The following NUGGC variants were observed in gnomAD, a reference collection of about 807,000 sequenced individuals.
The protein encoded by NUGGC is nuclear GTPase SLIP-GC.
Under a neutral mutation model 92.6 loss-of-function variants are expected in NUGGC, and 58 were observed. The observed-to-expected ratio is 0.63, with a 90% CI of 0.51 to 0.78. The LOEUF is 0.78. NUGGC is among the 30% of genes least tolerant of loss of function. The pLI is 0.00. For missense variants in NUGGC, 925 were observed against 964.6 expected (o/e 0.96, Z 0.54); for synonymous variants, 376 against 366.4 (o/e 1.03, Z -0.30).
chr8:28,073,399 A>G (rs1810639291), intron 2 of NUGGC, among the ~76,000 whole-genome samples: 1 of 151,976 alleles, frequency 6.6e-6, no homozygotes, highest in African/African-American at 2.4e-5. Flanking sequence ...AGCTCTTCCT[A>G]TATGCCTGCT....
At position 28,041,093 on chromosome 8, in the gene NUGGC, G is replaced by A. The variant is rs77339219; in HGVS notation, c.1569C>T (p.Thr523=). ...MEQPLQEGVR[T]ARTSYRCILR... is the part of the protein sequence containing the mutation. ...GGATGCAGCGGTAAGAAGTCCTGGC[G>A]GTCCTGACCCCTTCTTGCAGAGGCT... The change falls in exon 13 of 19, where the codon ACC becomes ACT. Residue 523 remains threonine (T), a synonymous_variant. Coordinates refer to ENST00000413272, the MANE Select transcript of NUGGC (RefSeq NM_001010906.2). 5,244 of 1,607,130 alleles carry A rather than the reference G, an allele frequency of 3.3e-3. 164 individuals carry two copies. The African/African-American group carries it at 0.063, about 19-fold the overall frequency.
intron 1 of NUGGC, among the ~76,000 whole-genome samples, chr8:28,074,810 G>T (rs897124236): frequency 2.0e-5 from 3 of 152,142 alleles, no homozygotes; most frequent in South Asian, 2.1e-4. Context: ...GTGGTGGTGG[G>T]TGCCCATAAT....
chr8:28,028,766 A>T (rs942356316), intron 17 of NUGGC, among the ~76,000 whole-genome samples: 2 of 152,224 alleles, frequency 1.3e-5, no homozygotes, highest in Non-Finnish European at 1.5e-5. Context: ...TGGTTACCAT[A>T]ACTGACTGGC....
In NUGGC at chr8:28,041,120, C is replaced by G. The variant is rs780803488; in HGVS notation, c.1542G>C (p.Glu514Asp). The G allele has an allele frequency of 8.1e-6, 13 of 1,608,970 alleles. No individual in the cohort carries two copies. Among genetic ancestry groups the G allele is most frequent in the African/African-American group, 2.7e-5 (2 of 74,858 alleles). The change falls in exon 13 of 19, where the codon GAG becomes GAC. Residue 514 changes from glutamate (E) to aspartate (D), a missense_variant. Coordinates refer to ENST00000413272, the MANE Select transcript of NUGGC (RefSeq NM_001010906.2). The part of the protein sequence containing the change: ...KAIAQCFACM[E>D]QPLQEGVRTA... ...TCCTGACCCCTTCTTGCAGAGGCTG[C>G]TCCATGCAGGCGAAGCACTGTGCGA...
intron 2 of NUGGC, among the ~76,000 whole-genome samples, chr8:28,073,378 C>T (rs1252766802): frequency 6.6e-6 from 1 of 151,928 alleles, no homozygotes; most frequent in East Asian, 1.9e-4. Context: ...CTGAGGTGAC[C>T]CCAAAGTGGC....
intron 1 of NUGGC, among the ~76,000 whole-genome samples, chr8:28,078,154 T>C (rs917694958): frequency 3.9e-5 from 6 of 152,248 alleles, no homozygotes; most frequent in African/African-American, 1.4e-4. Flanking sequence ...CTATGGTTTC[T>C]GTATACAAGT....
At chr8:28,035,621 C>T (rs1217378227) in intron 13 of NUGGC, among the ~76,000 whole-genome samples, 2 of 152,142 alleles carry the variant, frequency 1.3e-5, no homozygotes, top group South Asian at 2.1e-4. Context: ...ACTTCCATGG[C>T]CCTTGATGGC....
intron 17 of NUGGC, 62 bp downstream of exon 17, chr8:28,029,204 C>T (rs977379299): frequency 7.8e-6 from 12 of 1,542,934 alleles, no homozygotes; most frequent in South Asian, 1.2e-5. Context: ...CTTCTGCACT[C>T]GCTTCCTCTC....
intron 7 of NUGGC, among the ~76,000 whole-genome samples, chr8:28,062,970 C>T (rs1157818350): frequency 6.6e-6 from 1 of 152,056 alleles, no homozygotes; most frequent in Non-Finnish European, 1.5e-5. Context: ...GGCACCCCAC[C>T]ACCCCCAACC....
At chr8:28,062,549 C>G (rs891302982) in intron 7 of NUGGC, among the ~76,000 whole-genome samples, 1 of 152,106 alleles carries the variant, frequency 6.6e-6, no homozygotes, top group African/African-American at 2.4e-5. Flanking sequence ...CCCAGGAGGT[C>G]GAGGTTGCAG....
At chr8:28,058,782 A>C (rs1810216898) in intron 8 of NUGGC, among the ~76,000 whole-genome samples, 2 of 151,702 alleles carry the variant, frequency 1.3e-5, no homozygotes, top group African/African-American at 2.4e-5. Context: ...AGCTCACTGC[A>C]ACCTCCACAT....
chr8:28,037,654 C>A (rs1189142148), intron 13 of NUGGC, among the ~76,000 whole-genome samples: 1 of 152,196 alleles, frequency 6.6e-6, no homozygotes, highest in East Asian at 1.9e-4. Flanking sequence ...AAGGCATTCT[C>A]TTTTCTCAGG....
intron 1 of NUGGC, among the ~76,000 whole-genome samples, chr8:28,076,682 G>A (rs1901744): frequency 0.67 from 102,433 of 152,014 alleles, 35,561 homozygotes; most frequent in Non-Finnish European, 0.74. Context: ...CAAATGAAGC[G>A]GCACTCACAG....
At chr8:28,045,742 G>A in intron 11 of NUGGC, 82 bp from the exon 12 acceptor site, 1 of 1,458,546 alleles carries the variant, frequency 6.9e-7, no homozygotes, top group South Asian at 1.3e-5. Context: ...GAAAGACCAA[G>A]GTGGCGATAT....
At chr8:28,048,087 C>G (rs970447172) in intron 10 of NUGGC, among the ~76,000 whole-genome samples, 1 of 152,178 alleles carries the variant, frequency 6.6e-6, no homozygotes, top group Admixed American at 6.5e-5. Context: ...CTGTTTCAGT[C>G]CTGAATCTCA....
At chr8:28,066,377 TCAAG>T (rs1224452870) in intron 6 of NUGGC, among the ~76,000 whole-genome samples, 1 of 152,220 alleles carries the variant, frequency 6.6e-6, no homozygotes, top group African/African-American at 2.4e-5. Flanking sequence ...GTGTGCCTAG[TCAAG>T]CATTTAAACA....
At chr8:28,042,802 T>C (rs1309532154) in intron 12 of NUGGC, among the ~76,000 whole-genome samples, 1 of 152,224 alleles carries the variant, frequency 6.6e-6, no homozygotes, top group Non-Finnish European at 1.5e-5. Flanking sequence ...TAATTTGGGC[T>C]TTTAAATTCT....
At position 28,050,271 on chromosome 8, in the gene NUGGC, G is replaced by A. The variant is rs146886185; in HGVS notation, c.1207-2659C>T. ...ATGGTGGTGAGTGCCTGTAATCCCA[G>A]CTACTCGGGAGGCTGAGGCAGGAGA... On this transcript the variant is annotated intron_variant, in intron 10 of 18. Transcript: ENST00000413272. Among the ~76,000 whole-genome samples, 1,204 of 150,730 alleles carry A rather than the reference G, an allele frequency of 8.0e-3. 17 individuals are homozygous for A. The highest frequency in any genetic ancestry group is 0.028 in the African/African-American group (1,132 of 40,930).
Position 28,056,000 on chromosome 8 carries a change from G to A in NUGGC, c.1171C>T (p.Leu391=). 1 of 1,562,202 alleles carries A rather than the reference G, an allele frequency of 6.4e-7. No individual in the cohort carries two copies. Residue 391 remains leucine, a synonymous_variant, in exon 10 of 19, where the codon CTA becomes TTA. Coordinates refer to ENST00000413272, the MANE Select transcript of NUGGC (RefSeq NM_001010906.2). ...AVLERNEMIK[L]QRTRILKEKL... is the part of the protein sequence containing the mutation. ...TCCTTGAGAATTCTAGTCCTTTGTA[G>A]TTTTATCATTTCATTTCTTTCTAAA... is the stretch of plus-strand genomic sequence containing the variant.
Sources: gnomAD v4.1 joint callset for allele counts (sites outside exome capture counted in the v4.1 genomes callset) on GRCh38, gnomAD v4.1.1 for gene constraint, MANE v1.5 for transcripts, NCBI Gene and HGNC (gene_info 2026-07-23, HGNC 2026-07-21) for gene names.